CFAP65: variants seen among roughly 807,000 people sequenced by gnomAD.
The protein encoded by CFAP65 is cilia- and flagella-associated protein 65.
A neutral mutation model predicts 208.0 loss-of-function variants in CFAP65; 155 were observed. That is an observed-to-expected ratio of 0.75 (90% CI 0.65 to 0.85). The LOEUF is 0.85. Ranked by LOEUF, CFAP65 falls within the 40% of genes least tolerant of loss-of-function variation. The pLI is 0.00. For missense variants in CFAP65, 2,294 were observed against 2,451.3 expected, an observed-to-expected ratio of 0.94 and a Z score of 1.36; for synonymous variants, 970 against 986.3, an observed-to-expected ratio of 0.98 and a Z score of 0.31.
rs1407266854 is a variant in CFAP65 at position 219,019,705 on chromosome 2, C to T, written c.3274G>A (p.Glu1092Lys). The T allele has an allele frequency of 4.3e-6, 7 of 1,613,244 alleles. No individual in the cohort carries two copies. The highest frequency in any genetic ancestry group is 1.7e-4 in the Middle Eastern group (1 of 6,032). ...GAGACGCAGCACAGCTCCTGCTTCT[C>T]CCCAGCCTTGTTATCTGGGGAGGGG... is the stretch of plus-strand genomic sequence containing the variant. ...LLSHRDNKAG[E>K]KQELCCVSLV... is the part of the protein sequence containing the mutation. Residue 1092 changes from glutamate to lysine, a missense_variant, in exon 20 of 35, where the codon GAG (glutamate) becomes AAG (lysine). By Grantham distance (56) the Glu-to-Lys change is moderately conservative. Around this residue, in one of 2 missense-constraint regions of CFAP65, gnomAD observed 1,427 missense variants for 1,438.7 expected, o/e 0.99. Coordinates refer to ENST00000341552, the MANE Select transcript of CFAP65 (RefSeq NM_194302.4).
chr2:219,006,088 G>C lies in CFAP65; in HGVS notation c.4855C>G (p.Arg1619Gly). The part of the protein sequence containing the change: ...PGMLCLGLTA[R>G]AHATDYFLAN... ...AGAAAGTAGTCGGTGGCATGGGCTC[G>C]GGCAGTAAGGCCCAGGCAGAGCATG... The change falls in exon 31 of 35, where the codon CGA becomes GGA. Residue 1619 changes from arginine (R) to glycine (G), a missense_variant. Arg to Gly is a moderately radical substitution (Grantham distance 125, BLOSUM62 -2). This residue lies in a region of CFAP65 where 1,427 missense variants were observed against 1,438.7 expected (regional missense o/e 0.99). Coordinates refer to ENST00000341552, the MANE Select transcript of CFAP65 (RefSeq NM_194302.4). The C allele has an allele frequency of 6.2e-7, 1 of 1,613,552 alleles. No homozygotes were observed. The highest frequency in any genetic ancestry group is 2.2e-5 in the East Asian group (1 of 44,876).
chr2:219,013,666 T>G (rs1350339616), intron 22 of CFAP65, 81 bp from the exon 23 acceptor site: 2 of 1,398,532 alleles, frequency 1.4e-6, no homozygotes, highest in Admixed American at 1.9e-5. Flanking sequence ...GACATTTCTG[T>G]GGCTTTGAGC....
intron 14 of CFAP65, 104 bp downstream of exon 14, chr2:219,025,918 G>T (rs1471283511): frequency 1.4e-6 from 2 of 1,420,066 alleles, no homozygotes; most frequent in African/African-American, 1.4e-5. Flanking sequence ...AGGGTGCAAA[G>T]ATGTGTTTCT....
At position 219,006,071 on chromosome 2, in the gene CFAP65, G is replaced by A; in HGVS notation, c.4872C>T (p.Asp1624=). ...CTGAGAAGAAGTTAGCCAGAAAGTAGTCGGTGGCATGGGCTCGGGCAGTAA... is the reference window on the plus strand; with the variant it reads ...CTGAGAAGAAGTTAGCCAGAAAGTAATCGGTGGCATGGGCTCGGGCAGTAA... ...LGLTARAHAT[D]YFLANFFSEF... The change falls in exon 31 of 35, where the codon GAC becomes GAT. Residue 1624 remains aspartate (D), a synonymous_variant. Transcript: ENST00000341552. The A allele has an allele frequency of 6.2e-7, 1 of 1,613,548 alleles. No homozygotes were observed. Among genetic ancestry groups the A allele is most frequent in the Non-Finnish European group, 8.5e-7 (1 of 1,180,036 alleles).
chr2:219,005,654 G>C (rs905777059), intron 31 of CFAP65, 92 bp from the exon 32 acceptor site: 1 of 1,491,182 alleles, frequency 6.7e-7, no homozygotes. Context: ...CAGTGATGAG[G>C]ACACAGATGA....
intron 4 of CFAP65, among the ~76,000 whole-genome samples, chr2:219,037,828 A>G (rs1053249318): frequency 3.3e-5 from 5 of 152,204 alleles, no homozygotes; most frequent in Non-Finnish European, 7.3e-5. Flanking sequence ...ACACAGACAC[A>G]CACTGCATCA....
At position 219,027,968 on chromosome 2, in the gene CFAP65, G is replaced by A. The variant is rs763150526; in HGVS notation, c.1893C>T (p.Pro631=). Residue 631 remains proline (P), a synonymous_variant, in exon 13 of 35, where the codon CCC becomes CCT. Transcript: ENST00000341552. The part of the protein sequence containing the change: ...DMPAPQYPYI[P]PMTEFFFDGT... ...CGTCGAAGAAGAACTCGGTCATGGG[G>A]GGGATATAAGGGTACTGCGGGGCCG... 3.2e-5 allele frequency: 48 copies of A among 1,518,584 alleles called. No homozygotes were observed. The highest frequency in any genetic ancestry group is 6.6e-5 in the Admixed American group (3 of 45,328). 94.1% of individuals were successfully genotyped at this position (1,518,584 alleles called of 1,614,324 possible). A position where few individuals can be genotyped will look rare whatever the true frequency, so the allele number is the denominator to read the frequency against.
At chr2:219,023,549 G>C in intron 15 of CFAP65, 118 bp from the exon 16 acceptor site, 1 of 716,352 alleles carries the variant, frequency 1.4e-6, no homozygotes, top group Non-Finnish European at 2.4e-6. Context: ...GCAGTCAAAG[G>C]CCCTCTGCCA....
chr2:219,031,410 G>A lies in CFAP65; in HGVS notation c.815+79C>T, dbSNP rs1346946016. The A allele has an allele frequency of 6.2e-6, 10 of 1,610,174 alleles. No individual in the cohort carries two copies. The highest frequency in any genetic ancestry group is 7.6e-6 in the Non-Finnish European group (9 of 1,177,632). On this transcript the variant is annotated intron_variant, in intron 7 of 34. Transcript: ENST00000341552. The surrounding 1 kb of genome is among the most constrained non-coding windows in gnomAD (Gnocchi z 5.2). ...CCTCAGACTACCCTACCCCGACAAG[G>A]GTATGCCTGTCTCTCCTGCTTCCAG...
chr2:219,034,627 C>T (rs762990487), intron 5 of CFAP65: 3 of 152,002 alleles, frequency 2.0e-5, no homozygotes, highest in African/African-American at 4.8e-5. Flanking sequence ...ATATCCACAA[C>T]GCATAACTGG....
Position 219,029,534 on chromosome 2 carries a change from C to G in CFAP65, c.1519G>C (p.Glu507Gln). Residue 507 changes from glutamate to glutamine, a missense_variant, in exon 11 of 35, where the codon GAG (glutamate) becomes CAG (glutamine). Glu to Gln is a conservative substitution (Grantham distance 29). Transcript: ENST00000341552. ...AHFQFAIDCL[E>Q]SVFTIRPAFG... ...GCAGGCCTGATGGTAAAGACACTCT[C>G]CAAGCAGTCGATGGCAAACTGGAAG... 1 of 1,614,106 alleles carries G rather than the reference C, an allele frequency of 6.2e-7. No individual in the cohort carries two copies. The highest frequency in any genetic ancestry group is 2.2e-5 in the East Asian group (1 of 44,846).
chr2:219,024,372 G>C, intron 14 of CFAP65, 112 bp from the exon 15 acceptor site: 1 of 1,349,618 alleles, frequency 7.4e-7, no homozygotes, highest in Non-Finnish European at 1.0e-6. Context: ...GATCAGAGGT[G>C]CTGCCCTGCA....
intron 15 of CFAP65, 116 bp downstream of exon 15, chr2:219,023,899 G>T: frequency 7.9e-7 from 1 of 1,265,130 alleles, no homozygotes; most frequent in Non-Finnish European, 1.1e-6. Flanking sequence ...ACTTCCTGGA[G>T]GAGAAGTGGC....
intron 24 of CFAP65, among the ~76,000 whole-genome samples, chr2:219,012,547 A>G (rs1946558459): frequency 6.6e-6 from 1 of 152,236 alleles, no homozygotes; most frequent in Admixed American, 6.5e-5. Flanking sequence ...TCAGAAACAC[A>G]TGGGCTTCTA....
chr2:219,009,699 GATGGA>G (rs1946315631), intron 27 of CFAP65, among the ~76,000 whole-genome samples: 5 of 86,804 alleles, frequency 5.8e-5, no homozygotes, highest in Non-Finnish European at 9.3e-5. Context: ...GGTGGGATGG[GATGGA>G]GTGGGGTGGG....
chr2:219,003,313 C>A lies in CFAP65; in HGVS notation c.5556-41G>T. 2 of 1,482,058 alleles carry A rather than the reference C, an allele frequency of 1.3e-6. No individual in the cohort carries two copies. Among genetic ancestry groups the A allele is most frequent in the South Asian group, 1.4e-5 (1 of 73,550 alleles). The allele number at this position is 1,482,058 out of a possible 1,614,324, so 91.8% of individuals were successfully genotyped here. On this transcript the variant is annotated intron_variant, in intron 33 of 34. Transcript: ENST00000341552. This position sits in a 1 kb window ranked among gnomAD's most constrained non-coding sequence, Gnocchi z 4.4. The stretch of plus-strand genomic sequence containing the variant: ...GGCTAGCATGAGGGCGGCCGCAGTG[C>A]CCGCGCGCCTCCTCGCTCGCCTGTC...
Position 219,031,161 on chromosome 2 carries a change from C to T in CFAP65, c.960G>A (p.Thr320=), listed in dbSNP as rs150728769. The T allele has an allele frequency of 9.6e-4, 1,545 of 1,609,338 alleles. 2 individuals carry two copies. The highest frequency in any genetic ancestry group is 1.1e-3 in the Non-Finnish European group (1,348 of 1,178,108). Residue 320 remains threonine, a synonymous_variant, in exon 8 of 35, where the codon ACG becomes ACA. Transcript: ENST00000341552. This position sits in a 1 kb window ranked among gnomAD's most constrained non-coding sequence, Gnocchi z 5.2. ...LTAVIYEVQA[T]CWYGAGSRQR... is the part of the protein sequence containing the mutation. Reference sequence around the variant, plus strand: ...GCCGGCTGCCCGCCCCGTACCAGCACGTGGCCTGCACCTCGTAGATGACGG... The same window carrying T: ...GCCGGCTGCCCGCCCCGTACCAGCATGTGGCCTGCACCTCGTAGATGACGG...
In CFAP65 at chr2:219,027,620, G is replaced by A. The variant is rs61748274; in HGVS notation, c.2211+30C>T. 122 of 1,613,358 alleles carry A rather than the reference G, an allele frequency of 7.6e-5. No homozygotes were observed. In the African/African-American group the frequency reaches 1.3e-3, roughly 18 times the overall value. On this transcript the variant is annotated intron_variant, in intron 13 of 34. Transcript: ENST00000341552. ...CACTCAGGCTCCTAGCAGAGACCCCGCATTCCTCCCTCTCATTGCGTGCAC... is the reference window on the plus strand; with the variant it reads ...CACTCAGGCTCCTAGCAGAGACCCCACATTCCTCCCTCTCATTGCGTGCAC...
rs1272169640 is a variant in CFAP65 at position 219,003,905 on chromosome 2, T to C, written c.5555+47A>G. The C allele has an allele frequency of 1.9e-6, 3 of 1,573,260 alleles. No individual in the cohort carries two copies. The highest frequency in any genetic ancestry group is 3.5e-5 in the Admixed American group (2 of 57,736). ...GCATCCCACTGCCTCCTAGGAACCT[T>C]CTGCACTTCGCCTCCCTCCCGTCCT... On this transcript the variant is annotated intron_variant, in intron 33 of 34. Transcript: ENST00000341552. This position sits in a 1 kb window ranked among gnomAD's most constrained non-coding sequence, Gnocchi z 4.4.
Sources: allele counts gnomAD v4.1 joint callset (sites outside exome capture counted in the v4.1 genomes callset), GRCh38; gene constraint gnomAD v4.1.1; regional missense constraint gnomAD v4.1.1; non-coding constraint Gnocchi (gnomAD v3.1); transcripts MANE v1.5; gene names NCBI Gene and HGNC (gene_info 2026-07-23, HGNC 2026-07-21).